CEP170B: variants seen among roughly 807,000 people sequenced by gnomAD.
CEP170B encodes centrosomal protein 170B.
CEP170B carries 55 observed loss-of-function variants against 120.6 expected under a neutral mutation model. The ratio of observed to expected loss-of-function variants is 0.46; its 90% confidence interval spans 0.37 to 0.57. The LOEUF (loss-of-function observed/expected upper bound fraction) is 0.57, where lower values mean the gene tolerates loss of function less well. CEP170B is among the 20% of genes least tolerant of loss of function. The probability of loss-of-function intolerance (pLI) is 0.00; values close to 1 mark genes in which losing one functional copy is unlikely to be tolerated. For synonymous variants in CEP170B, 1,033 were observed against 954.5 expected, an observed-to-expected ratio of 1.08 and a Z score of -1.52; for missense variants, 2,212 against 2,253.3, an observed-to-expected ratio of 0.98 and a Z score of 0.37.
intron 13 of CEP170B, among the ~76,000 whole-genome samples, 195 bp downstream of exon 13, chr14:104,889,953 A>ATGGATGGATGG (rs1566872516): frequency 1.2e-4 from 2 of 16,110 alleles, no homozygotes; most frequent in African/African-American, 4.0e-4. Context: ...TGGATGGATG[A>ATGGATGGATGG]ATGGATGGAT....
rs1259976851 is a variant in CEP170B at position 104,870,617 on chromosome 14, G to A, written c.105+2062G>A. Among the ~76,000 whole-genome samples, 2 of 152,120 alleles carry A rather than the reference G, an allele frequency of 1.3e-5. No individual in the cohort carries two copies. Among genetic ancestry groups the A allele is most frequent in the African/African-American group, 4.8e-5 (2 of 41,440 alleles). On this transcript the variant is annotated intron_variant, in intron 2 of 18. Transcript: ENST00000414716. The surrounding 1 kb of genome is among the most constrained non-coding windows in gnomAD (Gnocchi z 4.1). ...CCCACCCCTGCACCAGGCCTGCTCTGCCTGCTTCTCCCTGGGGTAGGGGAA... is the reference window on the plus strand; with the variant it reads ...CCCACCCCTGCACCAGGCCTGCTCTACCTGCTTCTCCCTGGGGTAGGGGAA...
In CEP170B at chr14:104,883,928, G is replaced by C; in HGVS notation, c.1149G>C (p.Gln383His). 6.2e-7 allele frequency: 1 copy of C among 1,600,084 alleles called. No homozygotes were observed. The highest frequency in any genetic ancestry group is 1.1e-5 in the South Asian group (1 of 89,254). Reference protein sequence around the residue: ...AGVPLEASGEQVRLQRQIKRD... With the variant: ...AGVPLEASGEHVRLQRQIKRD... ...TGCCCTTGGAGGCCAGCGGGGAGCA[G>C]GTGCGGCTGCAGAGGCAGATCAAGC... The change falls in exon 9 of 19, where the codon CAG becomes CAC. Residue 383 changes from glutamine to histidine, a missense_variant. Transcript: ENST00000414716.
rs1352861004 is a variant in CEP170B at position 104,867,331 on chromosome 14, T to G, written c.-27-1093T>G. Reference sequence around the variant, plus strand: ...CCCCTGTCCTGCTGAGCCTGGAGGCTGCCTCCCAGTGAGCCCCCATCCCCG... The same window carrying G: ...CCCCTGTCCTGCTGAGCCTGGAGGCGGCCTCCCAGTGAGCCCCCATCCCCG... On this transcript the variant is annotated intron_variant, in intron 1 of 18. Transcript: ENST00000414716. The surrounding 1 kb of genome is among the most constrained non-coding windows in gnomAD (Gnocchi z 5.4). Among the ~76,000 whole-genome samples, 1 of 152,182 alleles carries G rather than the reference T, an allele frequency of 6.6e-6. No individual in the cohort carries two copies. The highest frequency in any genetic ancestry group is 1.5e-5 in the Non-Finnish European group (1 of 68,026).
Position 104,868,146 on chromosome 14 carries a change from A to C in CEP170B, c.-27-278A>C, listed in dbSNP as rs992647594. ...ACCCCTGACACCTGGAAGATAGAGG[A>C]GATGAGGTGTGCTGGGGCCTGGAGG... On this transcript the variant is annotated intron_variant, in intron 1 of 18. Transcript: ENST00000414716. The surrounding 1 kb of genome is among the most constrained non-coding windows in gnomAD (Gnocchi z 5.9). Among the ~76,000 whole-genome samples, 4 of 152,162 alleles carry C rather than the reference A, an allele frequency of 2.6e-5. No individual in the cohort carries two copies. The highest frequency in any genetic ancestry group is 5.9e-5 in the Non-Finnish European group (4 of 67,964).
chr14:104,878,231 C>T (rs2304755), intron 4 of CEP170B, among the ~76,000 whole-genome samples: 65,714 of 151,898 alleles, frequency 0.43, 16,883 homozygotes, highest in Middle Eastern at 0.67. Context: ...GCCTGGGGAA[C>T]TGGTGACCAC....
rs375549684 is a variant in CEP170B, at chr14:104,886,297, C to T, written c.2058C>T (p.Gly686=). The T allele has an allele frequency of 4.4e-5, 67 of 1,535,678 alleles. No homozygotes were observed. The African/African-American group carries it at 6.7e-4, about 15-fold the overall frequency. The change falls in exon 12 of 19, where the codon GGC becomes GGT. Residue 686 remains glycine (G), a synonymous_variant. Coordinates refer to ENST00000414716, the MANE Select transcript of CEP170B (RefSeq NM_001112726.3). ...GLTEDGLGRR[G]GEPEGSLPVR... ...CAGAGGATGGCCTGGGACGTAGAGG[C>T]GGGGAGCCGGAGGGGTCCCTGCCTG... is the stretch of plus-strand genomic sequence containing the variant.
chr14:104,883,249 G>C lies in CEP170B; in HGVS notation c.792G>C (p.Gln264His). Reference protein sequence around the residue: ...AGGGGAAPVVQSHASFTIEFD... With the variant: ...AGGGGAAPVVHSHASFTIEFD... ...GGGGCGGAGCGGCCCCTGTGGTGCA[G>C]AGCCACGCCTCCTTCACCATCGAGT... Residue 264 changes from glutamine (Q) to histidine (H), a missense_variant, in exon 8 of 19, where the codon CAG becomes CAC. Around this residue, in one of 2 missense-constraint regions of CEP170B, gnomAD observed 2,166 missense variants for 2,166.7 expected, o/e 1.00. Coordinates refer to ENST00000414716, the MANE Select transcript of CEP170B (RefSeq NM_001112726.3). 9.9e-6 allele frequency: 16 copies of C among 1,611,492 alleles called. No homozygotes were observed. The highest frequency in any genetic ancestry group is 1.4e-5 in the Non-Finnish European group (16 of 1,179,582).
chr14:104,886,111 C>T lies in CEP170B; in HGVS notation c.2016C>T (p.Tyr672=), dbSNP rs892323455. Residue 672 remains tyrosine, a synonymous_variant, in exon 11 of 19, where the codon TAC becomes TAT. Transcript: ENST00000414716. The stretch of plus-strand genomic sequence containing the variant: ...GCTGGGCCAGCCTGGCTGACAGCTA[C>T]TCAGACCCGGGCCTCACAGGTAAGT... ...VSRWASLADS[Y]SDPGLTEDGL... 6 of 1,544,364 alleles carry T rather than the reference C, an allele frequency of 3.9e-6. No homozygotes were observed. The African/African-American group carries it at 5.5e-5, about 14-fold the overall frequency.
At chr14:104,889,943 TG>T (rs1896713412) in intron 13 of CEP170B, among the ~76,000 whole-genome samples, 185 bp downstream of exon 13, 1 of 64,508 alleles carries the variant, frequency 1.6e-5, no homozygotes, top group African/African-American at 5.7e-5. Context: ...GATGGATGGA[TG>T]GATGGATGAA....
upstream of CEP170B, among the ~76,000 whole-genome samples, chr14:104,865,056 G>A (rs1422285350): frequency 6.6e-6 from 1 of 151,302 alleles, no homozygotes; most frequent in African/African-American, 2.4e-5. The surrounding 1 kb of genome is among the most constrained non-coding windows in gnomAD (Gnocchi z 6.7). Context: ...GGGGAAGGTG[G>A]GCCTGGGGCA....
intron 5 of CEP170B, 83 bp from the exon 6 acceptor site, chr14:104,880,204 A>T: frequency 2.0e-6 from 3 of 1,523,430 alleles, no homozygotes; most frequent in Non-Finnish European, 2.7e-6. Context: ...GGCCCTCTGG[A>T]TGGAGAGGAG....
Position 104,896,698 on chromosome 14 carries a change from T to G in CEP170B, c.*1740T>G. On this transcript the variant is annotated 3_prime_UTR_variant, in exon 19 of 19. Coordinates refer to ENST00000414716, the MANE Select transcript of CEP170B (RefSeq NM_001112726.3). ...TCTTTCGGAAAATGGTTATTTTATA[T>G]GATTTGTCATGGAATTTGTTCTAAT... 2.2e-6 allele frequency: 1 copy of G among 456,032 alleles called. No homozygotes were observed. The highest frequency in any genetic ancestry group is 3.3e-4 in the Middle Eastern group (1 of 3,076). The allele number at this position is 456,032 out of a possible 1,614,324, so 28.2% of individuals were successfully genotyped here.
Position 104,870,904 on chromosome 14 carries a change from G to C in CEP170B, c.105+2349G>C, listed in dbSNP as rs933360721. On this transcript the variant is annotated intron_variant, in intron 2 of 18. Coordinates refer to ENST00000414716, the MANE Select transcript of CEP170B (RefSeq NM_001112726.3). The surrounding 1 kb of genome is among the most constrained non-coding windows in gnomAD (Gnocchi z 4.1). ...AGTGTGGGAAGGCTGTCTGCCTCCC[G>C]GTGCCCCTGCAGCGGCCTCCTACCT... Among the ~76,000 whole-genome samples the C allele has an allele frequency of 6.6e-6, 1 of 152,068 alleles. No individual in the cohort carries two copies. The highest frequency in any genetic ancestry group is 6.5e-5 in the Admixed American group (1 of 15,280).
At chr14:104,893,687 A>T in intron 15 of CEP170B, 21 bp downstream of exon 15, 2 of 1,583,954 alleles carry the variant, frequency 1.3e-6, no homozygotes, top group Non-Finnish European at 1.7e-6. Flanking sequence ...CACTACCGCC[A>T]CGGAGCTGGG....
rs1199420043 is a variant in CEP170B at position 104,887,048 on chromosome 14, T to C, written c.2809T>C (p.Cys937Arg). ...RLLSNSVDAE[C>R]EGGSTPRPPE... is the part of the protein sequence containing the mutation. ...CCTCTCTAATTCTGTGGATGCCGAGTGTGAGGGGGGCAGCACCCCGAGGCC... is the reference window on the plus strand; with the variant it reads ...CCTCTCTAATTCTGTGGATGCCGAGCGTGAGGGGGGCAGCACCCCGAGGCC... The change falls in exon 12 of 19, where the codon TGT becomes CGT. Residue 937 changes from cysteine (C) to arginine (R), a missense_variant. By Grantham distance (180) the Cys-to-Arg change is radical. Coordinates refer to ENST00000414716, the MANE Select transcript of CEP170B (RefSeq NM_001112726.3). The C allele has an allele frequency of 6.2e-7, 1 of 1,611,066 alleles. No homozygotes were observed. The highest frequency in any genetic ancestry group is 8.5e-7 in the Non-Finnish European group (1 of 1,179,778).
Position 104,884,113 on chromosome 14 carries a change from G to A in CEP170B, c.1334G>A (p.Arg445His), listed in dbSNP as rs761311635. The change falls in exon 9 of 19, where the codon CGC becomes CAC. Residue 445 changes from arginine to histidine, a missense_variant. Around this residue, in one of 2 missense-constraint regions of CEP170B, gnomAD observed 2,166 missense variants for 2,166.7 expected, o/e 1.00. Coordinates refer to ENST00000414716, the MANE Select transcript of CEP170B (RefSeq NM_001112726.3). ...RRGPTPADRD[R>H]PSVPAPVQAG... ...GGCCCAACGCCGGCCGATAGGGACC[G>A]CCCCAGTGTCCCAGCCCCAGTCCAG... is the stretch of plus-strand genomic sequence containing the variant. 11 of 1,573,398 alleles carry A rather than the reference G, an allele frequency of 7.0e-6. No individual in the cohort carries two copies. The highest frequency in any genetic ancestry group is 2.7e-5 in the African/African-American group (2 of 74,042).
chr14:104,872,497 T>C lies in CEP170B; in HGVS notation c.106-3759T>C, dbSNP rs1263398960. Among the ~76,000 whole-genome samples the C allele has an allele frequency of 1.8e-5, 2 of 110,078 alleles. 1 individual carries two copies. The allele number at this position is 110,078 out of a possible 152,430, so 72.2% of individuals were successfully genotyped here. A position where few individuals can be genotyped will look rare whatever the true frequency, so the allele number is the denominator to read the frequency against. On this transcript the variant is annotated intron_variant, in intron 2 of 18. Coordinates refer to ENST00000414716, the MANE Select transcript of CEP170B (RefSeq NM_001112726.3). Reference sequence around the variant, plus strand: ...TGTGTGTGCGTGTGTGCCGTGTGTGTGTGCGTGTGTAAGTGTGCATGTGCA... The same window carrying C: ...TGTGTGTGCGTGTGTGCCGTGTGTGCGTGCGTGTGTAAGTGTGCATGTGCA...
Position 104,887,744 on chromosome 14 carries a change from A to C in CEP170B, c.3505A>C (p.Ile1169Leu), listed in dbSNP as rs1415224411. ...GGCCAAGAAGCTGTCACGCCTGGAC[A>C]TCCTGGCCATGCCCCGGAAGCGGGC... is the stretch of plus-strand genomic sequence containing the variant. ...EQAKKLSRLD[I>L]LAMPRKRAGS... is the part of the protein sequence containing the mutation. The change falls in exon 12 of 19, where the codon ATC becomes CTC. Residue 1169 changes from isoleucine (I) to leucine (L), a missense_variant. Around this residue, in one of 2 missense-constraint regions of CEP170B, gnomAD observed 2,166 missense variants for 2,166.7 expected, o/e 1.00. Coordinates refer to ENST00000414716, the MANE Select transcript of CEP170B (RefSeq NM_001112726.3). The C allele has an allele frequency of 4.4e-6, 7 of 1,581,408 alleles. No homozygotes were observed. In the Admixed American group the frequency reaches 1.1e-4, roughly 24 times the overall value.
chr14:104,875,493 G>T (rs975877706), intron 2 of CEP170B, among the ~76,000 whole-genome samples: 5 of 152,178 alleles, frequency 3.3e-5, no homozygotes, highest in African/African-American at 1.2e-4. Flanking sequence ...GCAGCACAGG[G>T]TGCTGTGTGG....
Sources: gnomAD v4.1 joint callset for allele counts (sites outside exome capture counted in the v4.1 genomes callset) on GRCh38, gnomAD v4.1.1 for gene constraint, gnomAD v4.1.1 regional missense constraint, Gnocchi (gnomAD v3.1) non-coding constraint, MANE v1.5 for transcripts, NCBI Gene and HGNC (gene_info 2026-07-23, HGNC 2026-07-21) for gene names.